Variants in TRPC7 observed in about 807,000 individuals in gnomAD.
TRPC7 encodes short transient receptor potential channel 7.
In TRPC7, 42 loss-of-function variants were observed where a neutral mutation model predicts 90.1. The observed-to-expected ratio is 0.47, with a 90% CI of 0.36 to 0.60. The LOEUF (loss-of-function observed/expected upper bound fraction) is 0.60. Ranked by LOEUF, TRPC7 falls within the 20% of genes least tolerant of loss-of-function variation. The pLI is 0.00. For missense variants in TRPC7, 955 were observed against 1,112.3 expected, an observed-to-expected ratio of 0.86 and a Z score of 2.01; for synonymous variants, 451 against 436.3, an observed-to-expected ratio of 1.03 and a Z score of -0.42.
chr5:136,351,818 G>T (rs1000437741), intron 2 of TRPC7, among the ~76,000 whole-genome samples: 2 of 152,186 alleles, frequency 1.3e-5, no homozygotes, highest in Admixed American at 1.3e-4. Flanking sequence ...TAGGCCCAGA[G>T]AATTTTCATG....
chr5:136,266,577 T>C (rs1757041095), intron 4 of TRPC7, 141 bp from the exon 5 acceptor site: 1 of 745,302 alleles, frequency 1.3e-6, no homozygotes, highest in African/African-American at 1.8e-5. Context: ...CATACAACAT[T>C]TTTTCTTGAA....
intron 5 of TRPC7, among the ~76,000 whole-genome samples, chr5:136,254,503 A>T (rs1756628595): frequency 2.6e-5 from 4 of 152,214 alleles, no homozygotes; most frequent in Admixed American, 2.6e-4. Flanking sequence ...ATGACAGCGT[A>T]TCTGTTTACA....
intron 7 of TRPC7, among the ~76,000 whole-genome samples, chr5:136,245,046 G>T (rs1377100983): frequency 6.6e-6 from 1 of 152,168 alleles, no homozygotes; most frequent in Non-Finnish European, 1.5e-5. Context: ...CTTCTTATTG[G>T]ATCCTTACAA....
At chr5:136,291,025 C>A (rs1757928254) in intron 3 of TRPC7, among the ~76,000 whole-genome samples, 2 of 152,328 alleles carry the variant, frequency 1.3e-5, no homozygotes, top group East Asian at 1.9e-4. Flanking sequence ...CCCAGAATTT[C>A]ATATCCAGCC....
At chr5:136,291,606 T>C (rs1239075098) in intron 3 of TRPC7, among the ~76,000 whole-genome samples, 2 of 152,122 alleles carry the variant, frequency 1.3e-5, no homozygotes, top group Non-Finnish European at 1.5e-5. Flanking sequence ...CCTAAATATA[T>C]ATGCACCCAA....
At chr5:136,306,364 C>T (rs1042039826) in intron 3 of TRPC7, among the ~76,000 whole-genome samples, 49 of 152,058 alleles carry the variant, frequency 3.2e-4, no homozygotes, top group Admixed American at 1.3e-3. Context: ...CTTCTAACAA[C>T]CCCACAATAT....
chr5:136,250,979 A>C (rs1756499596), intron 6 of TRPC7, among the ~76,000 whole-genome samples: 1 of 152,258 alleles, frequency 6.6e-6, no homozygotes, highest in Non-Finnish European at 1.5e-5. Flanking sequence ...CTTCATGTTT[A>C]AAATAGGGAC....
chr5:136,225,657 G>T (rs1187104894), intron 9 of TRPC7, among the ~76,000 whole-genome samples: 2 of 152,066 alleles, frequency 1.3e-5, no homozygotes, highest in Non-Finnish European at 2.9e-5. Flanking sequence ...AGAATCCCCA[G>T]GAAAGCCAGA....
At chr5:136,340,464 G>T (rs1350769833) in intron 2 of TRPC7, among the ~76,000 whole-genome samples, 2 of 152,010 alleles carry the variant, frequency 1.3e-5, no homozygotes, top group East Asian at 1.9e-4. Flanking sequence ...TCACTGTAAA[G>T]AAATAAGTAT....
At chr5:136,287,723 A>ACC (rs774214046) in intron 3 of TRPC7, among the ~76,000 whole-genome samples, 7,335 of 127,694 alleles carry the variant, frequency 0.057, 552 homozygotes, top group African/African-American at 0.07. Context: ...AAAAAAAAAA[A>ACC]AAAAAACCCA....
chr5:136,347,138 C>T (rs996038235), intron 2 of TRPC7, among the ~76,000 whole-genome samples: 3 of 152,184 alleles, frequency 2.0e-5, no homozygotes, highest in African/African-American at 7.2e-5. Context: ...CCAAGGAGGG[C>T]ATGACCCTGC....
At chr5:136,330,062 T>G (rs913146249) in intron 2 of TRPC7, among the ~76,000 whole-genome samples, 2 of 152,120 alleles carry the variant, frequency 1.3e-5, no homozygotes, top group Non-Finnish European at 2.9e-5. Context: ...ACTCAGAGAA[T>G]CCTTCAGGAC....
chr5:136,317,200 A>G (rs1275254260), intron 2 of TRPC7, among the ~76,000 whole-genome samples: 2 of 152,262 alleles, frequency 1.3e-5, no homozygotes, highest in East Asian at 1.9e-4. Context: ...GGCGTGTAAG[A>G]AACTTTTGGG....
chr5:136,354,096 T>TA (rs1364985462), intron 2 of TRPC7, among the ~76,000 whole-genome samples: 1 of 152,252 alleles, frequency 6.6e-6, no homozygotes, highest in Non-Finnish European at 1.5e-5. Context: ...GCTTGAATTT[T>TA]TAAAAAACTT....
intron 2 of TRPC7, among the ~76,000 whole-genome samples, chr5:136,335,719 C>G (rs1166147057): frequency 1.3e-5 from 2 of 151,652 alleles, no homozygotes; most frequent in Non-Finnish European, 2.9e-5. Flanking sequence ...CTGGATAACA[C>G]AGTGAAACCC....
chr5:136,239,598 C>T (rs984786919), intron 7 of TRPC7, among the ~76,000 whole-genome samples: 7 of 152,168 alleles, frequency 4.6e-5, no homozygotes, highest in South Asian at 2.1e-4. Context: ...AGTTTTATGA[C>T]GTATTTCAGC....
At chr5:136,301,519 C>T (rs1423587734) in intron 3 of TRPC7, among the ~76,000 whole-genome samples, 1 of 151,866 alleles carries the variant, frequency 6.6e-6, no homozygotes, top group African/African-American at 2.4e-5. Flanking sequence ...TTTGTTTCTG[C>T]CCCACCCTAA....
At chr5:136,233,417 A>T (rs1316183012) in intron 7 of TRPC7, among the ~76,000 whole-genome samples, 1 of 152,202 alleles carries the variant, frequency 6.6e-6, no homozygotes, top group East Asian at 1.9e-4. Context: ...CTGTGTCATG[A>T]TTCACTGCAG....
At chr5:136,230,974 G>C (rs1401924986) in intron 8 of TRPC7, among the ~76,000 whole-genome samples, 5 of 152,214 alleles carry the variant, frequency 3.3e-5, no homozygotes, top group African/African-American at 1.2e-4. Context: ...CCAGTGCCTA[G>C]TGCGGATTTG....
Sources: gnomAD v4.1 joint callset for allele counts (sites outside exome capture counted in the v4.1 genomes callset) on GRCh38, gnomAD v4.1.1 for gene constraint, MANE v1.5 for transcripts, NCBI Gene and HGNC (gene_info 2026-07-23, HGNC 2026-07-21) for gene names.